The following SMIM14 variants were observed in gnomAD, a reference collection of about 807,000 sequenced individuals.
The protein encoded by SMIM14 is chromosome 4 open reading frame 34.
In SMIM14, 5 loss-of-function variants were observed where a neutral mutation model predicts 12.6. The ratio of observed to expected loss-of-function variants is 0.40; its 90% CI spans 0.21 to 0.83. The LOEUF (loss-of-function observed/expected upper bound fraction) is 0.83. Among genes scored for constraint, SMIM14 ranks in the 40% least tolerant of loss-of-function variants. The probability of loss-of-function intolerance (pLI) is 0.37; values close to 1 mark genes in which losing one functional copy is unlikely to be tolerated. For missense variants in SMIM14, 86 were observed against 119.1 expected, an observed-to-expected ratio of 0.72 and a Z score of 1.29; for synonymous variants, 30 against 40.1, an observed-to-expected ratio of 0.75 and a Z score of 0.95.
intron 2 of SMIM14, among the ~76,000 whole-genome samples, chr4:39,577,259 C>T (rs189767519): frequency 3.4e-4 from 51 of 152,076 alleles, no homozygotes; most frequent in African/African-American, 1.1e-3. Flanking sequence ...CAATTACTCA[C>T]ACACAATTGG....
At chr4:39,571,332 C>T (rs1712869301) in intron 3 of SMIM14, among the ~76,000 whole-genome samples, 1 of 151,960 alleles carries the variant, frequency 6.6e-6, no homozygotes, top group African/African-American at 2.4e-5. Flanking sequence ...AATCCAAGCA[C>T]TTTGAGAGGC....
At position 39,546,550 on chromosome 4, in the gene SMIM14, G is replaced by C. The variant is rs764448068; in HGVS notation, c.*5576C>G. 1 of 152,258 alleles carries C rather than the reference G, an allele frequency of 6.6e-6. No homozygotes were observed. The highest frequency in any genetic ancestry group is 1.5e-5 in the Non-Finnish European group (1 of 68,038). 9.4% of individuals were successfully genotyped at this position (152,258 alleles called of 1,614,324 possible). ...ACTCTACAAATTGAGATCCAGAACA[G>C]AGAAAGTCATCAGGTGAAATGCCAA... On this transcript the variant is annotated 3_prime_UTR_variant, in exon 5 of 5. Coordinates refer to ENST00000295958, the MANE Select transcript of SMIM14 (RefSeq NM_174921.3).
At chr4:39,579,648 A>G (rs1341855666) in intron 2 of SMIM14, among the ~76,000 whole-genome samples, 1 of 151,790 alleles carries the variant, frequency 6.6e-6, no homozygotes, top group Non-Finnish European at 1.5e-5. Flanking sequence ...TTTGAGACCA[A>G]CCTGGCCAAC....
chr4:39,577,920 C>T (rs1432018375), intron 2 of SMIM14, among the ~76,000 whole-genome samples: 1 of 152,112 alleles, frequency 6.6e-6, no homozygotes, highest in Non-Finnish European at 1.5e-5. Context: ...GGCTACATTC[C>T]TCATATTCAC....
chr4:39,615,945 C>T (rs759153242), intron 1 of SMIM14, among the ~76,000 whole-genome samples: 17 of 152,030 alleles, frequency 1.1e-4, no homozygotes, highest in Non-Finnish European at 2.2e-4. Flanking sequence ...ATAAAGAACC[C>T]AAATGTTAGT....
chr4:39,589,130 A>G (rs1398822964), intron 2 of SMIM14, among the ~76,000 whole-genome samples: 1 of 152,192 alleles, frequency 6.6e-6, no homozygotes, highest in Non-Finnish European at 1.5e-5. Context: ...TCTGTCACCC[A>G]GGCTGGAGTA....
intron 1 of SMIM14, among the ~76,000 whole-genome samples, chr4:39,628,970 T>C (rs899818609): frequency 5.3e-5 from 8 of 151,390 alleles, no homozygotes; most frequent in Admixed American, 3.9e-4. Flanking sequence ...TTACTTCAGA[T>C]GATCCACCTG....
intron 1 of SMIM14, among the ~76,000 whole-genome samples, chr4:39,611,114 G>A (rs1238727941): frequency 6.6e-6 from 1 of 152,160 alleles, no homozygotes; most frequent in East Asian, 1.9e-4. Flanking sequence ...AGAAAAGTGA[G>A]CGAAGATTAC....
At chr4:39,590,022 C>CA (rs34159677) in intron 2 of SMIM14, among the ~76,000 whole-genome samples, 8,260 of 71,030 alleles carry the variant, frequency 0.12, 576 homozygotes, top group East Asian at 0.19. Flanking sequence ...GACTCTGTTT[C>CA]AAAAAAAAAA....
intron 1 of SMIM14, among the ~76,000 whole-genome samples, chr4:39,608,503 T>C (rs1203883939): frequency 6.6e-6 from 1 of 152,174 alleles, no homozygotes; most frequent in Non-Finnish European, 1.5e-5. Context: ...ACAACATGAA[T>C]GAACTTTGAA....
At chr4:39,598,668 TTTTTC>T (rs1714473940) in intron 2 of SMIM14, among the ~76,000 whole-genome samples, 1 of 152,204 alleles carries the variant, frequency 6.6e-6, no homozygotes, top group Admixed American at 6.5e-5. Flanking sequence ...CTGTAATTAC[TTTTTC>T]TTTTCTGTAC....
chr4:39,595,890 CA>C lies in SMIM14; in HGVS notation c.75+9180del, dbSNP rs1578343223. Among the ~76,000 whole-genome samples, 2 of 152,048 alleles carry C rather than the reference CA, an allele frequency of 1.3e-5. 1 individual carries two copies. The highest frequency in any genetic ancestry group is 3.9e-4 in the East Asian group (2 of 5,186). ...TCCTTTGGGAAGAGTGCTGAGTTTA[CA>C]GGGGTGAGCCACCATGCCAGGCCTG... On this transcript the variant is annotated intron_variant, in intron 2 of 4. Transcript: ENST00000295958.
At chr4:39,615,219 G>C (rs58335162) in intron 1 of SMIM14, among the ~76,000 whole-genome samples, 2 of 152,076 alleles carry the variant, frequency 1.3e-5, no homozygotes, top group Admixed American at 1.3e-4. Flanking sequence ...ACAGGCGTGA[G>C]CCACGACCTC....
At chr4:39,559,396 A>AG (rs1033980357) in intron 3 of SMIM14, among the ~76,000 whole-genome samples, 3 of 151,806 alleles carry the variant, frequency 2.0e-5, no homozygotes, top group Non-Finnish European at 4.4e-5. Context: ...CAAAAAAAAA[A>AG]AAGAAAAGAA....
chr4:39,566,064 T>G (rs1215361706), intron 3 of SMIM14, among the ~76,000 whole-genome samples: 1 of 151,350 alleles, frequency 6.6e-6, no homozygotes, highest in Non-Finnish European at 1.5e-5. Context: ...AAATTAGCAG[T>G]GTGAAGACTG....
At chr4:39,618,434 G>A (rs899671535) in intron 1 of SMIM14, among the ~76,000 whole-genome samples, 2 of 151,942 alleles carry the variant, frequency 1.3e-5, no homozygotes, top group African/African-American at 4.8e-5. Context: ...GGGTCACGAG[G>A]TCAGGAGTTC....
At chr4:39,581,630 C>T (rs373393930) in intron 2 of SMIM14, among the ~76,000 whole-genome samples, 46 of 146,422 alleles carry the variant, frequency 3.1e-4, no homozygotes, top group African/African-American at 1.0e-3. Flanking sequence ...TACCCCAGCA[C>T]CAAGCTCAAG....
intron 1 of SMIM14, among the ~76,000 whole-genome samples, chr4:39,610,713 C>A (rs561146608): frequency 4.0e-5 from 6 of 148,876 alleles, no homozygotes; most frequent in African/African-American, 9.9e-5. Context: ...AAAAAAAAAA[C>A]TGAAAGAACA....
chr4:39,623,201 AG>A (rs890065052), intron 1 of SMIM14, among the ~76,000 whole-genome samples: 2 of 152,226 alleles, frequency 1.3e-5, no homozygotes, highest in Non-Finnish European at 1.5e-5. Context: ...AAACCTGCCA[AG>A]GGGGGAGAGG....
Sources: gnomAD v4.1 joint callset for allele counts (sites outside exome capture counted in the v4.1 genomes callset) on GRCh38, gnomAD v4.1.1 for gene constraint, MANE v1.5 for transcripts, NCBI Gene and HGNC (gene_info 2026-07-23, HGNC 2026-07-21) for gene names.